Variants in RAB44 observed in about 807,000 individuals in gnomAD.
RAB44 encodes the protein RAB44, member RAS oncogene family, also known as ras-related protein Rab-44.
In RAB44, 67 loss-of-function variants were observed where a neutral mutation model predicts 93.3. That is an observed-to-expected ratio of 0.72 (90% CI 0.59 to 0.88). The LOEUF (loss-of-function observed/expected upper bound fraction) is 0.88, where lower values mean the gene tolerates loss of function less well. Among genes scored for constraint, RAB44 ranks in the 40% least tolerant of loss-of-function variants. RAB44 has a pLI of 0.00. For synonymous variants in RAB44, 427 were observed against 520.3 expected, an observed-to-expected ratio of 0.82 and a Z score of 2.44; for missense variants, 1,064 against 1,261.7, an observed-to-expected ratio of 0.84 and a Z score of 2.37.
intron 2 of RAB44, among the ~76,000 whole-genome samples, chr6:36,704,934 A>G (rs1171645653): frequency 6.6e-6 from 1 of 152,144 alleles, no homozygotes; most frequent in African/African-American, 2.4e-5. Context: ...AGCCTGGCCA[A>G]CATGGTGAAA....
chr6:36,702,669 C>G (rs1383586849), intron 1 of RAB44, among the ~76,000 whole-genome samples: 1 of 152,268 alleles, frequency 6.6e-6, no homozygotes, highest in Non-Finnish European at 1.5e-5. Context: ...ACAAGCCCCA[C>G]CACTTGCAGG....
Position 36,717,266 on chromosome 6 carries a change from T to A in RAB44, c.495-7T>A, listed in dbSNP as rs1200320289. On this transcript the variant is annotated splice_polypyrimidine_tract_variant and splice_region_variant and intron_variant, in intron 4 of 13. Transcript: ENST00000612677. This position sits in a 1 kb window ranked among gnomAD's most constrained non-coding sequence, Gnocchi z 4.1. ...CCTCCCATCTCTGGCTGTCTTCCCC[T>A]CCCCAGGCAGATGGAAATCTGGCAA... The A allele has an allele frequency of 8.1e-7, 1 of 1,231,880 alleles. No individual in the cohort carries two copies. The highest frequency in any genetic ancestry group is 1.0e-6 in the Non-Finnish European group (1 of 987,936). The allele number at this position is 1,231,880 out of a possible 1,614,324, so 76.3% of individuals were successfully genotyped here. A position where few individuals can be genotyped will look rare whatever the true frequency, so the allele number is the denominator to read the frequency against.
chr6:36,718,198 C>T, intron 6 of RAB44, 80 bp downstream of exon 6: 1 of 978,094 alleles, frequency 1.0e-6, no homozygotes, highest in East Asian at 3.3e-5. Context: ...CAGTGACTGG[C>T]CAGGGTGGGG....
chr6:36,715,529 C>T lies in RAB44; in HGVS notation c.370C>T (p.Pro124Ser), dbSNP rs1417109405. 1 of 1,536,170 alleles carries T rather than the reference C, an allele frequency of 6.5e-7. No individual in the cohort carries two copies. The highest frequency in any genetic ancestry group is 2.4e-5 in the East Asian group (1 of 40,922). Residue 124 changes from proline (P) to serine (S), a missense_variant, in exon 4 of 14, where the codon CCA becomes TCA. Pro to Ser is a moderately conservative substitution (Grantham distance 74). Coordinates refer to ENST00000612677, the MANE Select transcript of RAB44 (RefSeq NM_001257357.2). ...QSPHRLRRRK[P>S]LPSKRVSATT... ...CCCCCACAGGCTCCGCAGAAGGAAG[C>T]CACTGCCCTCTAAGCGGGTATCTGC...
chr6:36,712,510 G>A (rs1031904816), intron 2 of RAB44, among the ~76,000 whole-genome samples: 4 of 152,102 alleles, frequency 2.6e-5, no homozygotes, highest in East Asian at 1.9e-4. Context: ...GATTACAGGC[G>A]CCCACCACAA....
At chr6:36,698,978 C>G (rs996435388) in intron 1 of RAB44, among the ~76,000 whole-genome samples, 1 of 152,034 alleles carries the variant, frequency 6.6e-6, no homozygotes, top group African/African-American at 2.4e-5. Context: ...TTAGGTTGTG[C>G]TGTCAGGCCG....
rs982462750 is a variant in RAB44, at chr6:36,721,051, G to T, written c.1017-100G>T. The T allele has an allele frequency of 1.9e-5, 21 of 1,120,642 alleles. No individual in the cohort carries two copies. In the African/African-American group the frequency reaches 2.1e-4, roughly 11 times the overall value. The allele number at this position is 1,120,642 out of a possible 1,614,324, so 69.4% of individuals were successfully genotyped here. On this transcript the variant is annotated intron_variant, in intron 8 of 13. Coordinates refer to ENST00000612677, the MANE Select transcript of RAB44 (RefSeq NM_001257357.2). ...TGAGCAAGGACTGGGAGGAGACCTG[G>T]CCATGGGGAGAGCAAGGGATGGTGA...
intron 11 of RAB44, 31 bp from the exon 12 acceptor site, chr6:36,728,669 G>T (rs1347629716): frequency 1.3e-6 from 2 of 1,531,258 alleles, no homozygotes; most frequent in Non-Finnish European, 8.9e-7. Flanking sequence ...CACACAGTGG[G>T]TGTGGCTGAC....
Position 36,731,528 on chromosome 6 carries a change from C to A in RAB44, c.2976-475C>A, listed in dbSNP as rs1763363913. On this transcript the variant is annotated intron_variant, in intron 13 of 13. Transcript: ENST00000612677. This position sits in a 1 kb window ranked among gnomAD's most constrained non-coding sequence, Gnocchi z 4.0. ...CGAAGAAATGAATGGACTTCTTTTG[C>A]TTCCCCAGCCTCCAAGCTCTCTCGG... is the stretch of plus-strand genomic sequence containing the variant. Among the ~76,000 whole-genome samples the A allele has an allele frequency of 6.6e-6, 1 of 152,184 alleles. No homozygotes were observed. Among genetic ancestry groups the A allele is most frequent in the Admixed American group, 6.5e-5 (1 of 15,284 alleles).
At chr6:36,714,295 T>G (rs1214762764) in intron 3 of RAB44, among the ~76,000 whole-genome samples, 2 of 152,284 alleles carry the variant, frequency 1.3e-5, no homozygotes, top group South Asian at 2.1e-4. Flanking sequence ...GGTGGGGGCT[T>G]TCCAGGTGCT....
chr6:36,718,687 C>T lies in RAB44; in HGVS notation c.828+99C>T, dbSNP rs1582631661. 7.7e-6 allele frequency: 4 copies of T among 521,774 alleles called. No individual in the cohort carries two copies. In the East Asian group the frequency reaches 1.4e-4, roughly 18 times the overall value. 32.3% of individuals were successfully genotyped at this position (521,774 alleles called of 1,614,324 possible). Reference sequence around the variant, plus strand: ...GAGACATGGAAATCAGAACTCCTGCCTTAGAAGGTACTGTGATGATTAGAG... The same window carrying T: ...GAGACATGGAAATCAGAACTCCTGCTTTAGAAGGTACTGTGATGATTAGAG... On this transcript the variant is annotated intron_variant, in intron 7 of 13. Transcript: ENST00000612677.
chr6:36,705,635 A>T (rs2150325575), intron 2 of RAB44, among the ~76,000 whole-genome samples: 1 of 152,212 alleles, frequency 6.6e-6, no homozygotes, highest in African/African-American at 2.4e-5. Flanking sequence ...CACCTGCCTC[A>T]GCCTCCCAAA....
intron 2 of RAB44, 100 bp downstream of exon 2, chr6:36,704,542 C>T (rs1403833454): frequency 6.4e-6 from 7 of 1,085,452 alleles, no homozygotes; most frequent in South Asian, 2.8e-5. Context: ...TACCCCTGCC[C>T]CTTTCTCTCA....
intron 1 of RAB44, among the ~76,000 whole-genome samples, chr6:36,700,590 ACCATGC>A (rs1333365488): frequency 6.6e-6 from 1 of 151,334 alleles, no homozygotes; most frequent in African/African-American, 2.4e-5. Flanking sequence ...CAGGCACCCC[ACCATGC>A]CCAGCTAGTT....
intron 6 of RAB44, 74 bp downstream of exon 6, chr6:36,718,192 G>C: frequency 3.9e-6 from 4 of 1,017,384 alleles, no homozygotes; most frequent in Non-Finnish European, 5.1e-6. Context: ...TGGGGCCAGT[G>C]ACTGGCCAGG....
intron 12 of RAB44, among the ~76,000 whole-genome samples, chr6:36,729,352 G>A (rs939892358): frequency 2.6e-5 from 4 of 151,862 alleles, no homozygotes; most frequent in South Asian, 4.2e-4. Flanking sequence ...ATCACTCCTC[G>A]CCCCACCTCT....
At position 36,730,736 on chromosome 6, in the gene RAB44, G is replaced by A; in HGVS notation, c.2962G>A (p.Val988Ile). The A allele has an allele frequency of 8.1e-7, 1 of 1,233,832 alleles. No individual in the cohort carries two copies. Among genetic ancestry groups the A allele is most frequent in the Non-Finnish European group, 1.0e-6 (1 of 988,398 alleles). 76.4% of individuals were successfully genotyped at this position (1,233,832 alleles called of 1,614,324 possible). The change falls in exon 13 of 14, where the codon GTA (valine) becomes ATA (isoleucine). Residue 988 changes from valine (V) to isoleucine (I), a missense_variant. By Grantham distance (29) the Val-to-Ile change is conservative (BLOSUM62 3). Transcript: ENST00000612677. ...ALGHNILEPV[V>I]NLARSLRMQE... ...GGGTCACAACATCCTGGAGCCTGTA[G>A]TAAACCTGGCCAGGTAAGTGCTGCC...
chr6:36,727,637 C>T lies in RAB44; in HGVS notation c.2742C>T (p.Asp914=). 3.2e-6 allele frequency: 5 copies of T among 1,550,590 alleles called. No individual in the cohort carries two copies. The highest frequency in any genetic ancestry group is 1.4e-5 in the African/African-American group (1 of 73,162). The stretch of plus-strand genomic sequence containing the variant: ...CTGACGGGGTGGTGCTCATGTACGA[C>T]ATCACCTCCCAGGAGAGCTTTGCCC... The part of the protein sequence containing the change: ...RKADGVVLMY[D]ITSQESFAHV... Residue 914 remains aspartate (D), a synonymous_variant, in exon 11 of 14, where the codon GAC becomes GAT. Coordinates refer to ENST00000612677, the MANE Select transcript of RAB44 (RefSeq NM_001257357.2).
chr6:36,702,298 GAGAGA>G (rs1309973289), intron 1 of RAB44, among the ~76,000 whole-genome samples: 1 of 25,318 alleles, frequency 3.9e-5, no homozygotes, highest in Non-Finnish European at 9.9e-5. Flanking sequence ...AAGGGGGAGA[GAGAGA>G]GAGAGAGAGA....
Sources: allele counts gnomAD v4.1 joint callset (sites outside exome capture counted in the v4.1 genomes callset), GRCh38; gene constraint gnomAD v4.1.1; non-coding constraint Gnocchi (gnomAD v3.1); transcripts MANE v1.5; gene names NCBI Gene and HGNC (gene_info 2026-07-23, HGNC 2026-07-21).